AGBL4: variants seen among roughly 807,000 people sequenced by gnomAD.
AGBL4 encodes cytosolic carboxypeptidase 6.
Under a neutral mutation model 66.4 loss-of-function variants are expected in AGBL4, and 58 were observed. The observed-to-expected ratio is 0.87, with a 90% CI of 0.71 to 1.09. AGBL4 has a LOEUF of 1.09. Among genes scored for constraint, AGBL4 ranks in the 50% least tolerant of loss-of-function variants. AGBL4 has a pLI of 0.00. For missense variants in AGBL4, 579 were observed against 631.0 expected (o/e 0.92, Z 0.88); for synonymous variants, 234 against 222.9 (o/e 1.05, Z -0.44).
intron 3 of AGBL4, among the ~76,000 whole-genome samples, chr1:49,575,812 A>C (rs1217794697): frequency 6.6e-6 from 1 of 152,228 alleles, no homozygotes; most frequent in Admixed American, 6.5e-5. Flanking sequence ...GGCCAGCAAT[A>C]TAACTTTACT....
chr1:49,028,705 A>G (rs895811716), intron 5 of AGBL4, among the ~76,000 whole-genome samples: 5 of 152,148 alleles, frequency 3.3e-5, no homozygotes, highest in African/African-American at 9.6e-5. Flanking sequence ...TGTCAATATG[A>G]TTCCATCAGG....
At chr1:48,611,020 G>A (rs560757105) in intron 9 of AGBL4, among the ~76,000 whole-genome samples, 1 of 152,352 alleles carries the variant, frequency 6.6e-6, no homozygotes, top group African/African-American at 2.4e-5. Context: ...GCCAGGGCAG[G>A]GCCTTCTAGG....
intron 3 of AGBL4, among the ~76,000 whole-genome samples, chr1:49,542,331 C>T (rs563170398): frequency 6.6e-6 from 1 of 152,302 alleles, no homozygotes; most frequent in South Asian, 2.1e-4. Flanking sequence ...TGGGTCTGCA[C>T]TGCCTTTATG....
chr1:48,928,857 A>G (rs1033340161), intron 5 of AGBL4, among the ~76,000 whole-genome samples: 3 of 152,230 alleles, frequency 2.0e-5, no homozygotes, highest in Non-Finnish European at 4.4e-5. Context: ...TGAACTAATA[A>G]TTTACTTTCC....
intron 3 of AGBL4, among the ~76,000 whole-genome samples, chr1:49,559,359 G>A (rs1028011324): frequency 1.8e-4 from 27 of 152,226 alleles, no homozygotes; most frequent in African/African-American, 5.5e-4. Context: ...GAACCACAGC[G>A]TTACTAGGCT....
At chr1:48,741,547 G>A (rs971412346) in intron 6 of AGBL4, among the ~76,000 whole-genome samples, 6 of 152,202 alleles carry the variant, frequency 3.9e-5, no homozygotes, top group African/African-American at 1.4e-4. Context: ...GGCGCTCAGT[G>A]GGAGATGCAG....
chr1:49,247,446 G>A (rs1203242224), intron 3 of AGBL4, among the ~76,000 whole-genome samples: 1 of 152,018 alleles, frequency 6.6e-6, no homozygotes, highest in Non-Finnish European at 1.5e-5. Context: ...AATGTCCAAG[G>A]CTGTTCCATT....
At chr1:49,288,600 A>G (rs1021290269) in intron 3 of AGBL4, among the ~76,000 whole-genome samples, 6 of 152,328 alleles carry the variant, frequency 3.9e-5, no homozygotes, top group African/African-American at 4.8e-5. Context: ...TGAAATGCTA[A>G]TAAAACAAGT....
intron 2 of AGBL4, among the ~76,000 whole-genome samples, chr1:49,784,318 T>G (rs1644402277): frequency 1.3e-5 from 2 of 152,056 alleles, no homozygotes; most frequent in African/African-American, 4.8e-5. Context: ...AGTCCAGAAA[T>G]AAATCCTTAC....
At chr1:48,862,480 C>A (rs1213034990) in intron 6 of AGBL4, among the ~76,000 whole-genome samples, 2 of 152,156 alleles carry the variant, frequency 1.3e-5, no homozygotes, top group Admixed American at 1.3e-4. Context: ...CGCCACCACG[C>A]TCGGCTAATT....
At chr1:49,482,047 T>C (rs1646966803) in intron 3 of AGBL4, among the ~76,000 whole-genome samples, 1 of 151,476 alleles carries the variant, frequency 6.6e-6, no homozygotes, top group South Asian at 2.1e-4. Context: ...TTGAAGATTT[T>C]TGCATTTATA....
At chr1:49,798,111 G>A (rs1418155157) in intron 2 of AGBL4, among the ~76,000 whole-genome samples, 1 of 152,100 alleles carries the variant, frequency 6.6e-6, no homozygotes, top group Non-Finnish European at 1.5e-5. Flanking sequence ...CCAATAAAAT[G>A]GCAAAAATGC....
In AGBL4 at chr1:49,897,881, G is replaced by C. The variant is rs181968622; in HGVS notation, c.35-46363C>G. ...ACATACATTAGGGAAAGGACAGTCT[G>C]TTCAATAAATGGTAAACTGGATATC... On this transcript the variant is annotated intron_variant, in intron 1 of 13. Transcript: ENST00000371839. Among the ~76,000 whole-genome samples the C allele has an allele frequency of 2.9e-3, 438 of 151,814 alleles. 3 individuals are homozygous for C. Among genetic ancestry groups the C allele is most frequent in the South Asian group, 0.01 (48 of 4,798 alleles).
At chr1:49,856,454 T>C (rs1158288798) in intron 1 of AGBL4, among the ~76,000 whole-genome samples, 1 of 152,092 alleles carries the variant, frequency 6.6e-6, no homozygotes, top group East Asian at 1.9e-4. Context: ...ATTTCTCTAA[T>C]GAACATAGAA....
intron 5 of AGBL4, among the ~76,000 whole-genome samples, chr1:48,914,773 G>T (rs1005903694): frequency 6.6e-6 from 1 of 152,188 alleles, no homozygotes; most frequent in Non-Finnish European, 1.5e-5. Context: ...CACCCAGTAG[G>T]TTAGTGCAGA....
chr1:49,125,085 A>T (rs1016078784), intron 4 of AGBL4, among the ~76,000 whole-genome samples: 1 of 152,076 alleles, frequency 6.6e-6, no homozygotes, highest in Admixed American at 6.6e-5. Flanking sequence ...GATCTATAAA[A>T]CTCAAAGTGC....
At chr1:49,358,408 GA>G (rs529884061) in intron 3 of AGBL4, among the ~76,000 whole-genome samples, 7,916 of 143,268 alleles carry the variant, frequency 0.055, 632 homozygotes, top group African/African-American at 0.18. Context: ...ATAAGCACCA[GA>G]AAAAAAAAAA....
At chr1:48,760,424 C>T (rs925218723) in intron 6 of AGBL4, among the ~76,000 whole-genome samples, 3 of 152,210 alleles carry the variant, frequency 2.0e-5, no homozygotes, top group African/African-American at 7.2e-5. Flanking sequence ...CCCAATGAAA[C>T]CATGACTCTG....
chr1:49,199,790 T>C (rs1329100394), intron 4 of AGBL4, among the ~76,000 whole-genome samples: 1 of 152,188 alleles, frequency 6.6e-6, no homozygotes, highest in Non-Finnish European at 1.5e-5. Flanking sequence ...CTGATCCAGA[T>C]ACTGCATTAA....
Sources: allele counts gnomAD v4.1 joint callset (sites outside exome capture counted in the v4.1 genomes callset), GRCh38; gene constraint gnomAD v4.1.1; transcripts MANE v1.5; gene names NCBI Gene and HGNC (gene_info 2026-07-23, HGNC 2026-07-21).